The following SLC15A5 variants were observed in gnomAD, a reference collection of about 807,000 sequenced individuals.
The protein encoded by SLC15A5 is Peptide/histidine transporter ENSP00000340402.
In SLC15A5, 58 loss-of-function variants were observed where a neutral mutation model predicts 56.1. That is an observed-to-expected ratio of 1.03 (90% CI 0.84 to 1.29). SLC15A5 has a LOEUF of 1.29. Ranked by LOEUF, SLC15A5 falls within the 50% of genes most tolerant of loss-of-function variation. SLC15A5 has a pLI of 0.00. For missense variants in SLC15A5, 681 were observed against 672.1 expected (o/e 1.01, Z -0.15); for synonymous variants, 264 against 250.5 (o/e 1.05, Z -0.51).
At chr12:16,256,579 G>A (rs1222564763) in intron 3 of SLC15A5, among the ~76,000 whole-genome samples, 1 of 152,176 alleles carries the variant, frequency 6.6e-6, no homozygotes, top group Non-Finnish European at 1.5e-5. Flanking sequence ...TAAATTAGGG[G>A]CCGGGCGTGG....
intron 3 of SLC15A5, among the ~76,000 whole-genome samples, chr12:16,247,614 A>G (rs926793006): frequency 1.3e-5 from 2 of 152,106 alleles, no homozygotes; most frequent in Admixed American, 6.6e-5. Flanking sequence ...TTAAATGACT[A>G]GAAACAGGCA....
At chr12:16,246,975 A>G (rs1325209523) in intron 3 of SLC15A5, among the ~76,000 whole-genome samples, 1 of 152,200 alleles carries the variant, frequency 6.6e-6, no homozygotes, top group African/African-American at 2.4e-5. Flanking sequence ...TAAAAATGAA[A>G]TATCTAAACA....
intron 2 of SLC15A5, among the ~76,000 whole-genome samples, chr12:16,259,237 G>A (rs1336099525): frequency 2.6e-5 from 4 of 151,042 alleles, no homozygotes; most frequent in Non-Finnish European, 3.0e-5. Flanking sequence ...AGGTCTCACT[G>A]TGTTGCCCAG....
chr12:16,277,205 TCTTA>T, intron 1 of SLC15A5, 116 bp downstream of exon 1: 1 of 1,013,878 alleles, frequency 9.9e-7, no homozygotes, highest in African/African-American at 1.6e-5. Flanking sequence ...GAACCCACAT[TCTTA>T]CTTCATTTAT....
chr12:16,249,069 C>A (rs1215808707), intron 3 of SLC15A5, among the ~76,000 whole-genome samples: 1 of 151,974 alleles, frequency 6.6e-6, no homozygotes, highest in Non-Finnish European at 1.5e-5. Context: ...TTGATCTAAT[C>A]ATGAATATCT....
chr12:16,212,367 C>T (rs1167485129), intron 7 of SLC15A5, among the ~76,000 whole-genome samples: 1 of 152,070 alleles, frequency 6.6e-6, no homozygotes, highest in African/African-American at 2.4e-5. Context: ...TACCCAAAGC[C>T]ATGCTTATGG....
At chr12:16,205,158 A>T (rs1431070594) in intron 7 of SLC15A5, among the ~76,000 whole-genome samples, 1 of 152,102 alleles carries the variant, frequency 6.6e-6, no homozygotes, top group African/African-American at 2.4e-5. Context: ...AAAATGTTCT[A>T]TAAACATTAA....
chr12:16,193,831 GAGAGAGAGAGAGA>G lies in SLC15A5; in HGVS notation c.1592+501_1592+513del, dbSNP rs1565654537. On this transcript the variant is annotated intron_variant, in intron 8 of 8. Coordinates refer to ENST00000344941, the MANE Select transcript of SLC15A5 (RefSeq NM_001170798.1). ...AGAGAGAGAGAGAGAGAGAGAGAGA[GAGAGAGAGAGAGA>G]GGCTGGCAATGGATGGGTGGATGGA... Among the ~76,000 whole-genome samples the G allele has an allele frequency of 8.4e-4, 107 of 126,958 alleles. 5 individuals are homozygous for G. The highest frequency in any genetic ancestry group is 3.1e-3 in the African/African-American group (105 of 33,852). 83.3% of individuals were successfully genotyped at this position (126,958 alleles called of 152,430 possible).
rs954550106 is a variant in SLC15A5 at position 16,257,846 on chromosome 12, A to G, written c.609T>C (p.Asn203=). 29 of 1,502,952 alleles carry G rather than the reference A, an allele frequency of 1.9e-5. No individual in the cohort carries two copies. Among genetic ancestry groups the G allele is most frequent in the Non-Finnish European group, 2.4e-5 (27 of 1,135,504 alleles). The allele number at this position is 1,502,952 out of a possible 1,614,324, so 93.1% of individuals were successfully genotyped here. A position where few individuals can be genotyped will look rare whatever the true frequency, so the allele number is the denominator to read the frequency against. The change falls in exon 3 of 9, where the codon AAT becomes AAC. Residue 203 remains asparagine, a synonymous_variant. Transcript: ENST00000344941. ...FNWFYWLMNL[N]ATIVFLGISY... ...ATATTCCCAGAAACACAATAGTTGC[A>G]TTTAGGTTCATGAGCCAATAAAACC...
At chr12:16,241,958 A>G (rs1240722537) in intron 4 of SLC15A5, among the ~76,000 whole-genome samples, 2 of 152,148 alleles carry the variant, frequency 1.3e-5, no homozygotes, top group African/African-American at 4.8e-5. Flanking sequence ...TGAAGTTCTG[A>G]AATCATCGCC....
At chr12:16,200,101 G>C (rs1436713076) in intron 7 of SLC15A5, among the ~76,000 whole-genome samples, 2 of 151,450 alleles carry the variant, frequency 1.3e-5, no homozygotes, top group African/African-American at 4.9e-5. Flanking sequence ...GGTCAATATG[G>C]GTAAGGAAAA....
chr12:16,272,331 G>A (rs1404563301), intron 2 of SLC15A5, among the ~76,000 whole-genome samples: 1 of 152,058 alleles, frequency 6.6e-6, no homozygotes, highest in African/African-American at 2.4e-5. Flanking sequence ...CTTTTTACCT[G>A]GAGGATAAAT....
chr12:16,221,478 G>C (rs1192946655), intron 6 of SLC15A5, among the ~76,000 whole-genome samples: 3 of 152,168 alleles, frequency 2.0e-5, no homozygotes, highest in Non-Finnish European at 4.4e-5. Flanking sequence ...AAGGACTTGG[G>C]GTAGACAGAA....
rs537452806 is a variant in SLC15A5, at chr12:16,231,042, G to A, written c.1163-6440C>T. On this transcript the variant is annotated intron_variant, in intron 5 of 8. Coordinates refer to ENST00000344941, the MANE Select transcript of SLC15A5 (RefSeq NM_001170798.1). ...CACCAGTATGATTCTTATTAGTTAC[G>A]TAACTGTGGGCCAGTCACTTTACCT... 3.9e-5 allele frequency among the ~76,000 whole-genome samples: 6 copies of A among 152,170 alleles called. No homozygotes were observed. In the South Asian group the frequency reaches 6.2e-4, roughly 16 times the overall value.
intron 4 of SLC15A5, among the ~76,000 whole-genome samples, chr12:16,241,412 A>AC (rs1449170027): frequency 1.3e-5 from 2 of 152,224 alleles, no homozygotes; most frequent in Non-Finnish European, 2.9e-5. Flanking sequence ...TACAGCTGTT[A>AC]CCAAGTCCAC....
chr12:16,244,578 A>T lies in SLC15A5; in HGVS notation c.975+2T>A. ...GGGGTAGTACTCATCGCCTGTCCTT[A>T]CCTGCATAATGCACATTCTGTATAG... On this transcript the variant is annotated splice_donor_variant, in intron 4 of 8. Transcript: ENST00000344941. LOFTEE classifies it high-confidence loss of function. 3.3e-6 allele frequency: 5 copies of T among 1,537,186 alleles called. No homozygotes were observed. Among genetic ancestry groups the T allele is most frequent in the Non-Finnish European group, 4.4e-6 (5 of 1,146,754 alleles).
intron 3 of SLC15A5, among the ~76,000 whole-genome samples, chr12:16,252,638 TA>T (rs879917796): frequency 5.3e-5 from 8 of 151,974 alleles, no homozygotes; most frequent in South Asian, 2.1e-4. Context: ...AAAACTTTAC[TA>T]AAAAAAATTG....
rs1671519 is a variant in SLC15A5 at position 16,235,667 on chromosome 12, G to A, written c.1162+4014C>T. Among the ~76,000 whole-genome samples the A allele has an allele frequency of 0.94, 142,568 of 152,226 alleles. 66,907 individuals carry two copies. Among genetic ancestry groups the A allele is most frequent in the Middle Eastern group, 0.98 (287 of 294 alleles). On this transcript the variant is annotated intron_variant, in intron 5 of 8. Coordinates refer to ENST00000344941, the MANE Select transcript of SLC15A5 (RefSeq NM_001170798.1). The surrounding 1 kb of genome is among the most constrained non-coding windows in gnomAD (Gnocchi z 4.1). ...ATGGTTTACTTCTTTTGGTGTTTACGCAGTTCCTCCTATCAAGTATTTTAC... is the reference window on the plus strand; with the variant it reads ...ATGGTTTACTTCTTTTGGTGTTTACACAGTTCCTCCTATCAAGTATTTTAC...
intron 2 of SLC15A5, among the ~76,000 whole-genome samples, chr12:16,265,484 T>A (rs1018784842): frequency 1.3e-5 from 2 of 152,162 alleles, no homozygotes; most frequent in African/African-American, 2.4e-5. Context: ...TCCTGTAAAC[T>A]TTTTTGTTTT....
Sources: gnomAD v4.1 joint callset for allele counts (sites outside exome capture counted in the v4.1 genomes callset) on GRCh38, gnomAD v4.1.1 for gene constraint, Gnocchi (gnomAD v3.1) non-coding constraint, MANE v1.5 for transcripts, NCBI Gene and HGNC (gene_info 2026-07-23, HGNC 2026-07-21) for gene names.